The following RORC variants were observed in gnomAD, a reference collection of about 807,000 sequenced individuals.
RORC encodes the protein RAR related orphan receptor C.
In RORC, 13 loss-of-function variants were observed where a neutral mutation model predicts 64.5. The ratio of observed to expected loss-of-function variants is 0.20; its 90% CI spans 0.13 to 0.32. The LOEUF (loss-of-function observed/expected upper bound fraction) is 0.32. RORC is among the 10% of genes least tolerant of loss of function. The pLI, the probability that RORC is intolerant of heterozygous loss-of-function variation, is 1.00. For synonymous variants in RORC, 277 were observed against 259.3 expected (o/e 1.07, Z -0.65); for missense variants, 468 against 669.5 (o/e 0.70, Z 3.32).
intron 2 of RORC, among the ~76,000 whole-genome samples, chr1:151,820,749 C>T (rs945646681): frequency 1.3e-5 from 2 of 152,234 alleles, no homozygotes; most frequent in Non-Finnish European, 2.9e-5. Flanking sequence ...GCATCTCAAA[C>T]AAGATTACCT....
intron 2 of RORC, among the ~76,000 whole-genome samples, chr1:151,821,936 C>A (rs7531041): frequency 0.43 from 65,812 of 151,756 alleles, 15,010 homozygotes; most frequent in Non-Finnish European, 0.52. Context: ...CCTGCCCTTA[C>A]CCCTTTCTCT....
At chr1:151,823,569 G>A (rs559618262) in intron 2 of RORC, among the ~76,000 whole-genome samples, 2 of 152,122 alleles carry the variant, frequency 1.3e-5, no homozygotes, top group East Asian at 1.9e-4. Context: ...TTTTCTCTCC[G>A]CCTCTCCCTG....
chr1:151,825,810 G>T, intron 2 of RORC: 2 of 1,222,398 alleles, frequency 1.6e-6, no homozygotes, highest in South Asian at 2.7e-5. Context: ...TCTTGACCTT[G>T]ACCAGGACGC....
At chr1:151,822,913 T>A (rs192524681) in intron 2 of RORC, among the ~76,000 whole-genome samples, 73 of 152,374 alleles carry the variant, frequency 4.8e-4, no homozygotes, top group Admixed American at 3.0e-3. Flanking sequence ...GCTGCCCGCC[T>A]GGGAGAGACC....
chr1:151,826,722 C>T lies in RORC; in HGVS notation c.70+2707G>A, dbSNP rs182754518. On this transcript the variant is annotated intron_variant, in intron 2 of 10. Transcript: ENST00000318247. ...CTGAAATTGGAGTGTAGATAATGATCATCATCACCATCATCATACTCATAA... is the reference window on the plus strand; with the variant it reads ...CTGAAATTGGAGTGTAGATAATGATTATCATCACCATCATCATACTCATAA... Among the ~76,000 whole-genome samples, 373 of 152,244 alleles carry T rather than the reference C, an allele frequency of 2.5e-3. 2 individuals are homozygous for T. The highest frequency in any genetic ancestry group is 8.7e-3 in the African/African-American group (363 of 41,540).
intron 2 of RORC, among the ~76,000 whole-genome samples, chr1:151,822,650 G>A (rs1471240928): frequency 2.0e-5 from 3 of 152,208 alleles, no homozygotes; most frequent in East Asian, 1.9e-4. Flanking sequence ...GTCACCATCA[G>A]CACCTTCCCT....
intron 2 of RORC, among the ~76,000 whole-genome samples, chr1:151,824,208 T>C (rs1652103209): frequency 6.6e-6 from 1 of 152,110 alleles, no homozygotes; most frequent in Non-Finnish European, 1.5e-5. Flanking sequence ...ATGAGATACC[T>C]GTAAATGTCC....
In RORC at chr1:151,815,340, C is replaced by G; in HGVS notation, c.384G>C (p.Gln128His). ...GGGTCTTGACCACTGGTTCCTGTTG[C>G]TGCTGTTGCCGCTGCTGCAGCTGTT... Reference protein sequence around the residue: ...VQKQLQQRQQQQQEPVVKTPP... With the variant: ...VQKQLQQRQQHQQEPVVKTPP... The change falls in exon 5 of 11, where the codon CAG (glutamine) becomes CAC (histidine). Residue 128 changes from glutamine (Q) to histidine (H), a missense_variant. By Grantham distance (24) the Gln-to-His change is conservative. Transcript: ENST00000318247. 1.9e-6 allele frequency: 3 copies of G among 1,593,338 alleles called. No individual in the cohort carries two copies. Among genetic ancestry groups the G allele is most frequent in the Non-Finnish European group, 2.6e-6 (3 of 1,168,998 alleles).
At chr1:151,815,682 C>A (rs1425414066) in intron 4 of RORC, among the ~76,000 whole-genome samples, 4 of 152,216 alleles carry the variant, frequency 2.6e-5, no homozygotes, top group Admixed American at 2.0e-4. Context: ...AGATTTGAAT[C>A]ATGGCAGAAT....
chr1:151,824,507 G>C (rs1652116171), intron 2 of RORC, among the ~76,000 whole-genome samples: 1 of 152,196 alleles, frequency 6.6e-6, no homozygotes, highest in Admixed American at 6.5e-5. Context: ...GAAGCTCCAA[G>C]GGGCCCTTTC....
intron 10 of RORC, 97 bp downstream of exon 10, chr1:151,811,228 T>A: frequency 1.4e-6 from 1 of 693,036 alleles, no homozygotes; most frequent in South Asian, 1.9e-5. Flanking sequence ...ACTCCCGCAC[T>A]CCCTCCTCTG....
intron 10 of RORC, among the ~76,000 whole-genome samples, chr1:151,809,622 GT>G (rs1255776595): frequency 6.6e-6 from 1 of 152,150 alleles, no homozygotes; most frequent in Non-Finnish European, 1.5e-5. Context: ...AGTAGGGAAG[GT>G]GATGTATTTT....
intron 9 of RORC, chr1:151,811,642 G>A: frequency 2.4e-6 from 1 of 418,554 alleles, no homozygotes; most frequent in South Asian, 5.0e-5. Flanking sequence ...GAGATGAAAG[G>A]TATGAGAATT....
intron 2 of RORC, among the ~76,000 whole-genome samples, chr1:151,817,859 G>A (rs1002533055): frequency 2.0e-5 from 3 of 152,224 alleles, no homozygotes; most frequent in Admixed American, 6.5e-5. Flanking sequence ...CCCAGGAAAC[G>A]GGGGCTCAAC....
chr1:151,823,827 T>C (rs1462766283), intron 2 of RORC, among the ~76,000 whole-genome samples: 1 of 152,150 alleles, frequency 6.6e-6, no homozygotes, highest in African/African-American at 2.4e-5. Flanking sequence ...ACTTTTTTTG[T>C]AGGGACAGCG....
chr1:151,823,345 G>A lies in RORC; in HGVS notation c.71-6065C>T, dbSNP rs1043125327. Among the ~76,000 whole-genome samples, 7 of 152,190 alleles carry A rather than the reference G, an allele frequency of 4.6e-5. No homozygotes were observed. In the East Asian group the frequency reaches 5.8e-4, roughly 13 times the overall value. Reference sequence around the variant, plus strand: ...TGCCAGGGCCTGAGTGCCTATTGGCGCCACGCTGGCCATGCCCTTAGGGGA... The same window carrying A: ...TGCCAGGGCCTGAGTGCCTATTGGCACCACGCTGGCCATGCCCTTAGGGGA... On this transcript the variant is annotated intron_variant, in intron 2 of 10. Transcript: ENST00000318247.
intron 2 of RORC, among the ~76,000 whole-genome samples, chr1:151,822,175 C>T (rs1378653439): frequency 6.6e-6 from 1 of 152,016 alleles, no homozygotes; most frequent in African/African-American, 2.4e-5. Flanking sequence ...GACCACAGCT[C>T]CGGTCAGGGG....
intron 2 of RORC, chr1:151,825,795 A>G (rs987285002): frequency 5.8e-6 from 6 of 1,026,848 alleles, no homozygotes; most frequent in South Asian, 1.6e-5. Flanking sequence ...CCATCTCCCA[A>G]CAGATCTTGA....
At chr1:151,817,610 C>A (rs554951404) in intron 2 of RORC, among the ~76,000 whole-genome samples, 4 of 152,200 alleles carry the variant, frequency 2.6e-5, no homozygotes, top group Non-Finnish European at 5.9e-5. Flanking sequence ...GCCTCCCTCC[C>A]GCCTTGGGAC....
Sources: gnomAD v4.1 joint callset for allele counts (sites outside exome capture counted in the v4.1 genomes callset) on GRCh38, gnomAD v4.1.1 for gene constraint, MANE v1.5 for transcripts, NCBI Gene and HGNC (gene_info 2026-07-23, HGNC 2026-07-21) for gene names.